The following DNAH7 variants were observed in gnomAD, a reference collection of about 807,000 sequenced individuals.
DNAH7 encodes the protein dynein axonemal heavy chain 7.
DNAH7 carries 397 observed loss-of-function variants against 444.6 expected under a neutral mutation model. The observed-to-expected ratio is 0.89, with a 90% confidence interval of 0.82 to 0.97. The LOEUF is 0.97. Among genes scored for constraint, DNAH7 ranks in the 50% least tolerant of loss-of-function variants. The pLI is 0.00. For missense variants in DNAH7, 4,902 were observed against 4,800.8 expected (o/e 1.02, Z -0.62); for synonymous variants, 1,636 against 1,624.4 (o/e 1.01, Z -0.17).
In DNAH7 at chr2:195,816,657, A is replaced by G. The variant is rs377187861; in HGVS notation, c.9732T>C (p.Asn3244=). 24 of 1,611,638 alleles carry G rather than the reference A, an allele frequency of 1.5e-5. No homozygotes were observed. In the Admixed American group the frequency reaches 2.5e-4, roughly 17 times the overall value. ...TTGCCAAAATTTCTGATTTCTCTGA[A>G]TTTTCAATAGACAGGATGAAAAGGT... The part of the protein sequence containing the change: ...FINLFILSIE[N]SEKSEILAKR... The change falls in exon 51 of 65, where the codon AAT becomes AAC. Residue 3244 remains asparagine (N), a synonymous_variant. Coordinates refer to ENST00000312428, the MANE Select transcript of DNAH7 (RefSeq NM_018897.3).
rs114228699 is a variant in DNAH7, at chr2:195,809,099, C to T, written c.9889-223G>A. Among the ~76,000 whole-genome samples the T allele has an allele frequency of 7.0e-3, 1,066 of 152,276 alleles. 5 individuals carry two copies. The highest frequency in any genetic ancestry group is 0.016 in the Admixed American group (241 of 15,294). ...TCCATTTCAAATAGTTACTTTTTGA[C>T]AATTTTCCTCCAGAATTACTTGTCT... On this transcript the variant is annotated intron_variant, in intron 52 of 64. Transcript: ENST00000312428.
At chr2:196,029,355 C>T (rs1695892277) in intron 5 of DNAH7, among the ~76,000 whole-genome samples, 1 of 151,976 alleles carries the variant, frequency 6.6e-6, no homozygotes, top group Non-Finnish European at 1.5e-5. Context: ...GTGAATAACG[C>T]CTGCCTAGAA....
intron 8 of DNAH7, 145 bp from the exon 9 acceptor site, chr2:196,019,440 A>AAT (rs1476948490): frequency 5.1e-5 from 29 of 565,134 alleles, no homozygotes; most frequent in Non-Finnish European, 7.5e-5. Flanking sequence ...TATGTTTTAA[A>AAT]ATATATAAAG....
intron 58 of DNAH7, among the ~76,000 whole-genome samples, chr2:195,784,814 G>A (rs1381605271): frequency 2.0e-5 from 3 of 151,504 alleles, no homozygotes; most frequent in East Asian, 3.9e-4. Flanking sequence ...CATTGTTTTA[G>A]TTTTTATTTC....
intron 55 of DNAH7, among the ~76,000 whole-genome samples, chr2:195,798,791 C>A (rs1696300116): frequency 6.6e-6 from 1 of 151,940 alleles, no homozygotes; most frequent in Non-Finnish European, 1.5e-5. Context: ...CGTGATCTGC[C>A]CGCCTCGGCC....
At position 195,960,934 on chromosome 2, in the gene DNAH7, A is replaced by C. The variant is rs1691052649; in HGVS notation, c.2217T>G (p.Phe739Leu). ...AACCAAATGCTTCCTCTTCAGCATT[A>C]AACTGCTCAATCTGAAAGGATAAGT... is the stretch of plus-strand genomic sequence containing the variant. ...LDLAADKIEQ[F>L]NAEEEAFGWL... Residue 739 changes from phenylalanine (F) to leucine (L), a missense_variant, in exon 18 of 65, where the codon TTT (phenylalanine) becomes TTG (leucine). Physicochemically the swap from Phe to Leu is conservative, Grantham distance 22. Coordinates refer to ENST00000312428, the MANE Select transcript of DNAH7 (RefSeq NM_018897.3). 4 of 1,590,574 alleles carry C rather than the reference A, an allele frequency of 2.5e-6. No homozygotes were observed. Among genetic ancestry groups the C allele is most frequent in the Non-Finnish European group, 3.4e-6 (4 of 1,167,140 alleles).
intron 24 of DNAH7, among the ~76,000 whole-genome samples, chr2:195,914,444 T>A (rs933710709): frequency 2.6e-5 from 4 of 152,222 alleles, no homozygotes; most frequent in Non-Finnish European, 4.4e-5. Flanking sequence ...TGTTAGATCC[T>A]GTATAGGTTC....
chr2:195,852,913 C>CAGAG (rs909240212), intron 46 of DNAH7, among the ~76,000 whole-genome samples: 1,410 of 134,532 alleles, frequency 0.01, 20 homozygotes, highest in African/African-American at 0.039. Context: ...CACACACACA[C>CAGAG]ACAGAGAGAG....
At chr2:195,771,482 TA>T in intron 61 of DNAH7, among the ~76,000 whole-genome samples, 177 bp downstream of exon 61, 1 of 152,334 alleles carries the variant, frequency 6.6e-6, no homozygotes, top group Non-Finnish European at 1.5e-5. Flanking sequence ...CCCTGTTTAT[TA>T]ACTCTCACTC....
rs190638953 is a variant in DNAH7, at chr2:195,853,214, A to C, written c.8781+129T>G. 3.6e-4 allele frequency: 267 copies of C among 732,200 alleles called. 1 individual carries two copies. In the African/African-American group the frequency reaches 4.5e-3, roughly 12 times the overall value. 45.4% of individuals were successfully genotyped at this position (732,200 alleles called of 1,614,324 possible). On this transcript the variant is annotated intron_variant, in intron 46 of 64. Transcript: ENST00000312428. ...CAGAATAATTAAAATACACAAGCAGAAATCATGCAAAAATACCTTCCTCCT... is the reference window on the plus strand; with the variant it reads ...CAGAATAATTAAAATACACAAGCAGCAATCATGCAAAAATACCTTCCTCCT...
At position 195,875,684 on chromosome 2, in the gene DNAH7, C is replaced by T; in HGVS notation, c.6277G>A (p.Gly2093Arg). 6.3e-7 allele frequency: 1 copy of T among 1,583,306 alleles called. No individual in the cohort carries two copies. The highest frequency in any genetic ancestry group is 2.2e-5 in the East Asian group (1 of 44,456). The change falls in exon 38 of 65, where the codon GGA becomes AGA. Residue 2093 changes from glycine (G) to arginine (R), a missense_variant. Gly to Arg is a moderately radical substitution (Grantham distance 125, BLOSUM62 -2). Transcript: ENST00000312428. Reference protein sequence around the residue: ...LVDIQIMCAMGPPGGGRNPVT... With the variant: ...LVDIQIMCAMRPPGGGRNPVT... ...AACTCAAAAAATGTACCTGGAGGTCCCATAGCACACATGATCTGAATGTCC... is the reference window on the plus strand; with the variant it reads ...AACTCAAAAAATGTACCTGGAGGTCTCATAGCACACATGATCTGAATGTCC...
intron 12 of DNAH7, among the ~76,000 whole-genome samples, chr2:195,991,366 C>T (rs1693329181): frequency 6.6e-6 from 1 of 152,154 alleles, no homozygotes; most frequent in Admixed American, 6.6e-5. Context: ...TTGTCATGCA[C>T]ACAGTGAATT....
intron 19 of DNAH7, among the ~76,000 whole-genome samples, chr2:195,952,230 C>A (rs1197516336): frequency 1.3e-5 from 2 of 152,164 alleles, no homozygotes; most frequent in Admixed American, 1.3e-4. Context: ...GTTGAAAATT[C>A]TTTTCTTTAA....
At chr2:195,925,214 T>C (rs1688256710) in intron 22 of DNAH7, among the ~76,000 whole-genome samples, 1 of 152,282 alleles carries the variant, frequency 6.6e-6, no homozygotes, top group South Asian at 2.1e-4. Flanking sequence ...ATTTACACGG[T>C]TAATTTGCTA....
At chr2:195,774,901 CA>C (rs1285783495) in intron 60 of DNAH7, among the ~76,000 whole-genome samples, 1 of 152,148 alleles carries the variant, frequency 6.6e-6, no homozygotes, top group Non-Finnish European at 1.5e-5. Flanking sequence ...CTTAATTCAT[CA>C]AAATTTTATT....
intron 63 of DNAH7, among the ~76,000 whole-genome samples, chr2:195,753,707 G>C (rs1164431770): frequency 6.6e-6 from 1 of 152,120 alleles, no homozygotes; most frequent in East Asian, 1.9e-4. Flanking sequence ...TAAAATCGTG[G>C]CCTTGTCCAC....
At chr2:196,040,652 A>C (rs1017656342) in intron 5 of DNAH7, among the ~76,000 whole-genome samples, 6 of 152,174 alleles carry the variant, frequency 3.9e-5, no homozygotes, top group African/African-American at 1.2e-4. Flanking sequence ...GTTTTCTGTA[A>C]GATCTGGAAC....
At chr2:196,009,035 A>G (rs537048708) in intron 10 of DNAH7, among the ~76,000 whole-genome samples, 1 of 152,284 alleles carries the variant, frequency 6.6e-6, no homozygotes, top group African/African-American at 2.4e-5. Context: ...GAGAGCAAGG[A>G]GGAAGGTGCC....
chr2:196,042,347 T>C (rs1347183017), intron 5 of DNAH7, among the ~76,000 whole-genome samples: 2 of 152,052 alleles, frequency 1.3e-5, no homozygotes, highest in Non-Finnish European at 2.9e-5. Flanking sequence ...GATTTGATTG[T>C]AGACATATAT....
Sources: gnomAD v4.1 joint callset for allele counts (sites outside exome capture counted in the v4.1 genomes callset) on GRCh38, gnomAD v4.1.1 for gene constraint, MANE v1.5 for transcripts, NCBI Gene and HGNC (gene_info 2026-07-23, HGNC 2026-07-21) for gene names.